TMEM117: variants seen among roughly 807,000 people sequenced by gnomAD.
The protein encoded by TMEM117 is transmembrane protein 117.
In TMEM117, 27 loss-of-function variants were observed where a neutral mutation model predicts 52.4. The ratio of observed to expected loss-of-function variants is 0.51; its 90% CI spans 0.38 to 0.71. TMEM117 has a LOEUF of 0.71. Among genes scored for constraint, TMEM117 ranks in the 30% least tolerant of loss-of-function variants. TMEM117 has a pLI of 0.00. For missense variants in TMEM117, 556 were observed against 630.5 expected (o/e 0.88, Z 1.26); for synonymous variants, 215 against 206.3 (o/e 1.04, Z -0.36).
chr12:44,187,712 T>C (rs1222605072), intron 4 of TMEM117, among the ~76,000 whole-genome samples: 2 of 152,144 alleles, frequency 1.3e-5, no homozygotes, highest in African/African-American at 4.8e-5. Flanking sequence ...TTCAGTCATC[T>C]CCTGAAATAA....
At chr12:44,241,323 T>G in intron 5 of TMEM117, among the ~76,000 whole-genome samples, 1 of 151,948 alleles carries the variant, frequency 6.6e-6, no homozygotes, top group East Asian at 1.9e-4. Context: ...TAATTTGGGC[T>G]TTGTCAGACA....
chr12:43,955,157 C>CA (rs910926798), intron 3 of TMEM117, among the ~76,000 whole-genome samples: 7 of 152,070 alleles, frequency 4.6e-5, no homozygotes, highest in Non-Finnish European at 1.0e-4. Flanking sequence ...CCATTTATGA[C>CA]AAAAAACAGT....
chr12:43,827,356 A>G, the TMEM117 span, among the ~76,000 whole-genome samples: 12 of 152,294 alleles, frequency 7.9e-5, no homozygotes, highest in African/African-American at 2.9e-4. Context: ...CCAAGTTGGC[A>G]GAACATTGAA....
Position 44,115,259 on chromosome 12 carries a change from G to C in TMEM117, c.411-28266G>C, listed in dbSNP as rs571371864. Among the ~76,000 whole-genome samples, 4 of 152,276 alleles carry C rather than the reference G, an allele frequency of 2.6e-5. No individual in the cohort carries two copies. The East Asian group carries it at 7.7e-4, about 29-fold the overall frequency. ...CCCTCATAGGTGGGAATTGAACAATGAGAACACTTGGACACAGGAAGGGGA... is the reference window on the plus strand; with the variant it reads ...CCCTCATAGGTGGGAATTGAACAATCAGAACACTTGGACACAGGAAGGGGA... On this transcript the variant is annotated intron_variant, in intron 3 of 7. Transcript: ENST00000266534.
At chr12:44,120,979 A>G (rs1057119422) in intron 3 of TMEM117, among the ~76,000 whole-genome samples, 3 of 152,230 alleles carry the variant, frequency 2.0e-5, no homozygotes, top group Non-Finnish European at 2.9e-5. Flanking sequence ...AAAGAGGTTT[A>G]TTGGACTTAC....
intron 5 of TMEM117, among the ~76,000 whole-genome samples, chr12:44,214,273 G>A (rs1404045803): frequency 6.6e-6 from 1 of 151,078 alleles, no homozygotes; most frequent in African/African-American, 2.4e-5. Flanking sequence ...AGCCTCCAGA[G>A]TAGCTGGGAT....
At chr12:43,810,665 G>A in the TMEM117 span, among the ~76,000 whole-genome samples, 1 of 152,178 alleles carries the variant, frequency 6.6e-6, no homozygotes, top group Non-Finnish European at 1.5e-5. Flanking sequence ...CAAGCAGGGC[G>A]AGAGGGCAGG....
chr12:44,314,999 A>G (rs1421832073), intron 6 of TMEM117, among the ~76,000 whole-genome samples: 1 of 152,140 alleles, frequency 6.6e-6, no homozygotes, highest in Non-Finnish European at 1.5e-5. Context: ...GTGTGTTTCC[A>G]GGAATTTATC....
chr12:44,038,497 A>C (rs1199453481), intron 3 of TMEM117, among the ~76,000 whole-genome samples: 1 of 152,062 alleles, frequency 6.6e-6, no homozygotes, highest in Non-Finnish European at 1.5e-5. Context: ...CCCCATACTC[A>C]ATTGCTCACA....
intron 3 of TMEM117, among the ~76,000 whole-genome samples, chr12:43,988,206 A>G (rs1245797006): frequency 6.6e-6 from 1 of 152,080 alleles, no homozygotes; most frequent in African/African-American, 2.4e-5. Flanking sequence ...ATAAGCCTTC[A>G]CAGAATTGGG....
At chr12:43,978,397 T>C (rs1945707206) in intron 3 of TMEM117, among the ~76,000 whole-genome samples, 1 of 152,144 alleles carries the variant, frequency 6.6e-6, no homozygotes, top group Non-Finnish European at 1.5e-5. Flanking sequence ...ATAATATTGA[T>C]AGGCTGAACG....
chr12:43,974,343 G>A (rs553854355), intron 3 of TMEM117, among the ~76,000 whole-genome samples: 23 of 152,124 alleles, frequency 1.5e-4, no homozygotes, highest in Admixed American at 1.2e-3. Context: ...AAAGGCTTTA[G>A]CATTTTAAAA....
intron 3 of TMEM117, among the ~76,000 whole-genome samples, chr12:44,096,898 A>G (rs1394503313): frequency 6.6e-6 from 1 of 151,560 alleles, no homozygotes; most frequent in East Asian, 1.9e-4. Context: ...TCTGCACAGC[A>G]AAAGAAACTA....
chr12:44,311,875 ATGTATATATG>A (rs1950992596), intron 6 of TMEM117, among the ~76,000 whole-genome samples: 3 of 127,914 alleles, frequency 2.3e-5, no homozygotes, highest in Non-Finnish European at 4.6e-5. Flanking sequence ...ATGTATATAT[ATGTATATATG>A]TATATATATG....
intron 3 of TMEM117, among the ~76,000 whole-genome samples, chr12:44,117,008 G>A (rs777618745): frequency 6.6e-6 from 1 of 152,134 alleles, no homozygotes; most frequent in Non-Finnish European, 1.5e-5. Context: ...TCCAAGCTTA[G>A]AATCATTGAA....
intron 3 of TMEM117, among the ~76,000 whole-genome samples, chr12:44,119,230 G>A (rs968462761): frequency 1.3e-5 from 2 of 152,134 alleles, no homozygotes; most frequent in Non-Finnish European, 2.9e-5. Context: ...CATATGCTGT[G>A]TGCTTTTTAA....
At chr12:43,866,410 C>CAAA (rs1194302841) in intron 2 of TMEM117, among the ~76,000 whole-genome samples, 3 of 107,136 alleles carry the variant, frequency 2.8e-5, no homozygotes, top group Non-Finnish European at 6.0e-5. Flanking sequence ...TCATCGCTAC[C>CAAA]AAAAAAAAAA....
intron 2 of TMEM117, among the ~76,000 whole-genome samples, chr12:43,915,225 C>T (rs969835598): frequency 2.0e-5 from 3 of 152,098 alleles, no homozygotes; most frequent in East Asian, 1.9e-4. Context: ...TTACCAAAGG[C>T]GCTCCACACT....
At chr12:43,797,723 G>C in the TMEM117 span, 3 of 1,612,174 alleles carry the variant, frequency 1.9e-6, no homozygotes, top group South Asian at 2.2e-5. Flanking sequence ...GCACATAGTT[G>C]AGCTGTCTAT....
Sources: gnomAD v4.1 joint callset for allele counts (sites outside exome capture counted in the v4.1 genomes callset) on GRCh38, gnomAD v4.1.1 for gene constraint, MANE v1.5 for transcripts, NCBI Gene and HGNC (gene_info 2026-07-23, HGNC 2026-07-21) for gene names.